Variants in NOX4 observed in about 807,000 individuals in gnomAD.
NOX4 encodes NADPH oxidase 4.
In NOX4, 69 loss-of-function variants were observed where a neutral mutation model predicts 87.6. The ratio of observed to expected loss-of-function variants is 0.79; its 90% CI spans 0.65 to 0.96. The LOEUF (loss-of-function observed/expected upper bound fraction) is 0.96. NOX4 is among the 40% of genes least tolerant of loss of function. The probability of loss-of-function intolerance (pLI) is 0.00; values close to 1 mark genes in which losing one functional copy is unlikely to be tolerated. For synonymous variants in NOX4, 275 were observed against 238.2 expected (o/e 1.15, Z -1.42); for missense variants, 680 against 681.5 (o/e 1.00, Z 0.02).
At chr11:89,453,219 C>A (rs1194843483) in intron 2 of NOX4, among the ~76,000 whole-genome samples, 1 of 151,008 alleles carries the variant, frequency 6.6e-6, no homozygotes, top group East Asian at 1.9e-4. Context: ...CATCCCCATG[C>A]TCTGGTAACC....
chr11:89,357,996 A>G (rs1413313839), intron 12 of NOX4, among the ~76,000 whole-genome samples: 2 of 152,078 alleles, frequency 1.3e-5, no homozygotes, highest in Non-Finnish European at 2.9e-5. Flanking sequence ...GGAAACCTAT[A>G]ACTAATGTTC....
chr11:89,482,819 C>CT (rs1946444592), intron 2 of NOX4, among the ~76,000 whole-genome samples: 1 of 152,036 alleles, frequency 6.6e-6, no homozygotes, highest in African/African-American at 2.4e-5. Flanking sequence ...GAAACACAAA[C>CT]AGTATATTCA....
intron 2 of NOX4, among the ~76,000 whole-genome samples, chr11:89,470,418 A>G (rs2135440852): frequency 6.6e-6 from 1 of 152,292 alleles, no homozygotes; most frequent in African/African-American, 2.4e-5. Context: ...CTATAAATAT[A>G]TGGTGGATGA....
At chr11:89,387,130 C>T (rs766772040) in intron 11 of NOX4, among the ~76,000 whole-genome samples, 23 of 152,088 alleles carry the variant, frequency 1.5e-4, no homozygotes, top group African/African-American at 3.9e-4. Flanking sequence ...CAAAAATTTT[C>T]GCCACCCCAA....
upstream of NOX4, chr11:89,492,371 G>C (rs2135503874): frequency 6.6e-6 from 1 of 152,256 alleles, no homozygotes; most frequent in South Asian, 2.1e-4. Flanking sequence ...TTTACTACTA[G>C]TTGCTTAATC....
At chr11:89,370,297 T>C (rs2135046701) in intron 12 of NOX4, among the ~76,000 whole-genome samples, 1 of 152,038 alleles carries the variant, frequency 6.6e-6, no homozygotes, top group Admixed American at 6.6e-5. Flanking sequence ...TTATTGAATA[T>C]TTACTCACAA....
intron 1 of NOX4, 69 bp downstream of exon 1, chr11:89,491,121 G>C: frequency 6.8e-7 from 1 of 1,460,196 alleles, no homozygotes; most frequent in Non-Finnish European, 9.5e-7. Context: ...ACCCGTGCAC[G>C]CTCAGAGAAT....
At chr11:89,511,384 T>C in the NOX4 span, among the ~76,000 whole-genome samples, 1 of 152,000 alleles carries the variant, frequency 6.6e-6, no homozygotes, top group Non-Finnish European at 1.5e-5. Flanking sequence ...TGTCAACGTT[T>C]CTCTTTTTTT....
At chr11:89,548,380 T>C in the NOX4 span, 2 of 152,260 alleles carry the variant, frequency 1.3e-5, no homozygotes, top group Non-Finnish European at 2.9e-5. Flanking sequence ...AAGCCAGCAA[T>C]GCTGGCAGCC....
At chr11:89,376,453 G>A (rs1939844860) in intron 11 of NOX4, among the ~76,000 whole-genome samples, 1 of 152,078 alleles carries the variant, frequency 6.6e-6, no homozygotes, top group African/African-American at 2.4e-5. Flanking sequence ...ACATCTCAAA[G>A]GGAAGAAATA....
At chr11:89,406,903 A>G (rs1411868655) in intron 8 of NOX4, among the ~76,000 whole-genome samples, 1 of 152,138 alleles carries the variant, frequency 6.6e-6, no homozygotes, top group Admixed American at 6.6e-5. Flanking sequence ...ATAAAATTCC[A>G]GAAAGGCTTC....
intron 13 of NOX4, among the ~76,000 whole-genome samples, chr11:89,349,638 A>G (rs1295271633): frequency 1.3e-5 from 2 of 152,194 alleles, no homozygotes; most frequent in African/African-American, 4.8e-5. Context: ...AACAGCTCTA[A>G]AATTTGTCAT....
intron 11 of NOX4, among the ~76,000 whole-genome samples, chr11:89,381,430 C>T (rs1241001398): frequency 6.6e-6 from 1 of 152,118 alleles, no homozygotes; most frequent in African/African-American, 2.4e-5. Flanking sequence ...AATTCCTTCT[C>T]CTGGCCCAAA....
chr11:89,436,519 G>A (rs900387606), intron 6 of NOX4, among the ~76,000 whole-genome samples: 2 of 152,026 alleles, frequency 1.3e-5, no homozygotes, highest in African/African-American at 2.4e-5. Context: ...ATGTTTACAT[G>A]TTTATTCTTA....
rs2135350829 is a variant in NOX4, at chr11:89,325,660, A to G, written c.*1096T>C. 6.6e-6 allele frequency: 1 copy of G among 152,212 alleles called. No homozygotes were observed. Among genetic ancestry groups the G allele is most frequent in the Non-Finnish European group, 1.5e-5 (1 of 68,018 alleles). 9.4% of individuals were successfully genotyped at this position (152,212 alleles called of 1,614,324 possible). ...AAAATACAGGTTTTACTGTTCAGGAATATGACTAGACTTTCAATGTCTCCA... is the reference window on the plus strand; with the variant it reads ...AAAATACAGGTTTTACTGTTCAGGAGTATGACTAGACTTTCAATGTCTCCA... On this transcript the variant is annotated 3_prime_UTR_variant, in exon 18 of 18. Coordinates refer to ENST00000263317, the MANE Select transcript of NOX4 (RefSeq NM_016931.5).
At chr11:89,536,009 C>T in the NOX4 span, among the ~76,000 whole-genome samples, 3 of 152,056 alleles carry the variant, frequency 2.0e-5, no homozygotes, top group Non-Finnish European at 4.4e-5. Context: ...TAACCGCTGC[C>T]TTCAATATGC....
intron 2 of NOX4, among the ~76,000 whole-genome samples, chr11:89,457,990 A>G (rs188755820): frequency 2.6e-5 from 4 of 152,368 alleles, no homozygotes; most frequent in Admixed American, 1.3e-4. Context: ...GGCCAAAGCA[A>G]TTTACAGATT....
At chr11:89,342,299 G>A in intron 13 of NOX4, 106 bp from the exon 14 acceptor site, 3 of 963,938 alleles carry the variant, frequency 3.1e-6, no homozygotes, top group Non-Finnish European at 3.1e-6. Context: ...TTTTGTGATG[G>A]GTCAGGCCTT....
intron 6 of NOX4, among the ~76,000 whole-genome samples, chr11:89,436,326 A>T (rs999051046): frequency 6.6e-6 from 1 of 152,112 alleles, no homozygotes; most frequent in Non-Finnish European, 1.5e-5. Context: ...GCTAAATCCC[A>T]ATATATTAGC....
Sources: allele counts gnomAD v4.1 joint callset (sites outside exome capture counted in the v4.1 genomes callset), GRCh38; gene constraint gnomAD v4.1.1; transcripts MANE v1.5; gene names NCBI Gene and HGNC (gene_info 2026-07-23, HGNC 2026-07-21).